ZNF831: variants seen among roughly 807,000 people sequenced by gnomAD.
The protein encoded by ZNF831 is zinc finger protein 831.
ZNF831 carries 59 observed loss-of-function variants against 95.8 expected under a neutral mutation model. The observed-to-expected ratio is 0.62, with a 90% CI of 0.50 to 0.77. The LOEUF (loss-of-function observed/expected upper bound fraction) is 0.77. ZNF831 is among the 30% of genes least tolerant of loss of function. ZNF831 has a pLI of 0.00. For synonymous variants in ZNF831, 961 were observed against 925.5 expected, an observed-to-expected ratio of 1.04 and a Z score of -0.70; for missense variants, 2,205 against 2,164.0, an observed-to-expected ratio of 1.02 and a Z score of -0.38.
At chr20:59,153,541 C>A (rs1364100404) in intron 2 of ZNF831, among the ~76,000 whole-genome samples, 1 of 152,174 alleles carries the variant, frequency 6.6e-6, no homozygotes, top group East Asian at 1.9e-4. Flanking sequence ...AGCCTGGGTG[C>A]CCCGCTGCCA....
intron 4 of ZNF831, among the ~76,000 whole-genome samples, chr20:59,222,960 C>A (rs1176251147): frequency 6.6e-6 from 1 of 152,194 alleles, no homozygotes; most frequent in Admixed American, 6.5e-5. Context: ...TGGGACCCCC[C>A]GCTGAGCAAG....
At chr20:59,167,378 T>C (rs987718385) in intron 1 of ZNF831, among the ~76,000 whole-genome samples, 1 of 152,074 alleles carries the variant, frequency 6.6e-6, no homozygotes, top group African/African-American at 2.4e-5. Context: ...TTTCTCCAGA[T>C]CTGTAGCTAG....
chr20:59,170,480 G>A lies in ZNF831; in HGVS notation c.-37+6273G>A, dbSNP rs140454593. Among the ~76,000 whole-genome samples, 828 of 152,224 alleles carry A rather than the reference G, an allele frequency of 5.4e-3. 2 individuals are homozygous for A. The highest frequency in any genetic ancestry group is 0.017 in the Middle Eastern group (5 of 294). The stretch of plus-strand genomic sequence containing the variant: ...TGTTGTTGATTCATAGTTTGATTCC[G>A]TTGTCGTCAGAGAACATGCTTTGTA... On this transcript the variant is annotated intron_variant, in intron 1 of 5. Transcript: ENST00000371030.
At chr20:59,218,436 G>A (rs1442979721) in intron 4 of ZNF831, among the ~76,000 whole-genome samples, 1 of 152,160 alleles carries the variant, frequency 6.6e-6, no homozygotes, top group Non-Finnish European at 1.5e-5. Context: ...AATTGGCTTA[G>A]ACAAACAAAC....
At chr20:59,203,417 A>G (rs1410926452) in intron 3 of ZNF831, among the ~76,000 whole-genome samples, 1 of 152,182 alleles carries the variant, frequency 6.6e-6, no homozygotes, top group African/African-American at 2.4e-5. Context: ...TCCTGGCCTC[A>G]GTGGTCTTCC....
intron 4 of ZNF831, among the ~76,000 whole-genome samples, chr20:59,235,104 C>T (rs1440153114): frequency 6.6e-6 from 1 of 151,998 alleles, no homozygotes; most frequent in Non-Finnish European, 1.5e-5. Context: ...TGGTCAGGTG[C>T]CTTGTAGGAT....
chr20:59,258,025 A>G lies in ZNF831; in HGVS notation c.*3282A>G, dbSNP rs189187822. 3.3e-5 allele frequency: 5 copies of G among 152,318 alleles called. No individual in the cohort carries two copies. The highest frequency in any genetic ancestry group is 2.6e-4 in the Admixed American group (4 of 15,294). 9.4% of individuals were successfully genotyped at this position (152,318 alleles called of 1,614,324 possible). On this transcript the variant is annotated 3_prime_UTR_variant, in exon 6 of 6. Coordinates refer to ENST00000371030, the MANE Select transcript of ZNF831 (RefSeq NM_178457.3). The stretch of plus-strand genomic sequence containing the variant: ...CAAAGTCATGTGATTTTTGGTGGAC[A>G]ACTGGAATCCTCCTTCTTGTAAAAC...
rs758429291 is a variant in ZNF831, at chr20:59,254,294, C to G, written c.4585C>G (p.Pro1529Ala). 1 of 1,613,998 alleles carries G rather than the reference C, an allele frequency of 6.2e-7. No homozygotes were observed. The highest frequency in any genetic ancestry group is 1.1e-5 in the South Asian group (1 of 91,060). ...TAGRTLTSSS[P>A]DSKVTEEGRA... is the part of the protein sequence containing the mutation. ...AGGGAGGACTCTGACATCAAGCTCC[C>G]CAGACAGCAAAGTCACAGAAGAGGG... Residue 1529 changes from proline (P) to alanine (A), a missense_variant, in exon 6 of 6, where the codon CCA becomes GCA. Physicochemically the swap from Pro to Ala is conservative, Grantham distance 27. Transcript: ENST00000371030. This position sits in a 1 kb window ranked among gnomAD's most constrained non-coding sequence, Gnocchi z 4.5.
chr20:59,166,964 A>G (rs1601322227), intron 1 of ZNF831, among the ~76,000 whole-genome samples: 1 of 152,220 alleles, frequency 6.6e-6, no homozygotes, highest in African/African-American at 2.4e-5. Flanking sequence ...TGCTGGGTTG[A>G]ATAATAGTCC....
chr20:59,165,308 C>T (rs993416340), intron 1 of ZNF831, among the ~76,000 whole-genome samples: 5 of 152,096 alleles, frequency 3.3e-5, no homozygotes, highest in African/African-American at 1.2e-4. Context: ...AGAACCAAGA[C>T]TGTAAAAGGG....
upstream of ZNF831, among the ~76,000 whole-genome samples, chr20:59,162,662 T>C (rs1980944645): frequency 6.6e-6 from 1 of 152,216 alleles, no homozygotes; most frequent in Non-Finnish European, 1.5e-5. Context: ...GTGTCTATTT[T>C]TATACCAATA....
At chr20:59,134,201 G>T (rs1979435294) in intron 1 of ZNF831, among the ~76,000 whole-genome samples, 2 of 152,186 alleles carry the variant, frequency 1.3e-5, no homozygotes, top group Admixed American at 1.3e-4. Flanking sequence ...CAGATCCCCT[G>T]CTCCCCTCCT....
chr20:59,179,289 C>T (rs890241157), intron 1 of ZNF831, among the ~76,000 whole-genome samples: 1 of 152,192 alleles, frequency 6.6e-6, no homozygotes, highest in Non-Finnish European at 1.5e-5. Flanking sequence ...CTTGTACCTG[C>T]TCCTCTCTGG....
intron 1 of ZNF831, among the ~76,000 whole-genome samples, chr20:59,128,330 G>T (rs779531402): frequency 1.3e-5 from 2 of 152,192 alleles, no homozygotes; most frequent in Non-Finnish European, 2.9e-5. Context: ...CCCTGCAAGG[G>T]TATGGAACAC....
Position 59,192,406 on chromosome 20 carries a change from C to T in ZNF831, c.1387C>T (p.Arg463Cys), listed in dbSNP as rs1440178440. Residue 463 changes from arginine to cysteine, a missense_variant, in exon 2 of 6, where the codon CGT (arginine) becomes TGT (cysteine). Arg to Cys is a radical substitution (Grantham distance 180). Transcript: ENST00000371030. The surrounding 1 kb of genome is among the most constrained non-coding windows in gnomAD (Gnocchi z 5.2). Reference sequence around the variant, plus strand: ...TGACATCCGCGCGCTGGAGCCAGGCCGTAGGAGGGCCCCGGGCCCCGTGCG... The same window carrying T: ...TGACATCCGCGCGCTGGAGCCAGGCTGTAGGAGGGCCCCGGGCCCCGTGCG... ...HFDIRALEPG[R>C]RRAPGPVRST... 2 of 1,611,944 alleles carry T rather than the reference C, an allele frequency of 1.2e-6. No individual in the cohort carries two copies. Among genetic ancestry groups the T allele is most frequent in the Non-Finnish European group, 1.7e-6 (2 of 1,179,446 alleles).
At chr20:59,125,128 C>T (rs913889427) in intron 1 of ZNF831, among the ~76,000 whole-genome samples, 2 of 152,174 alleles carry the variant, frequency 1.3e-5, no homozygotes, top group African/African-American at 2.4e-5. Context: ...CCTGTGACTA[C>T]GTGAACCATC....
chr20:59,167,261 C>T (rs905728841), intron 1 of ZNF831, among the ~76,000 whole-genome samples: 1 of 152,132 alleles, frequency 6.6e-6, no homozygotes, highest in Admixed American at 6.5e-5. Context: ...TGTGTTTGCA[C>T]ACTTTCTAAT....
At chr20:59,181,872 A>C (rs1982644165) in intron 1 of ZNF831, among the ~76,000 whole-genome samples, 1 of 151,938 alleles carries the variant, frequency 6.6e-6, no homozygotes, top group African/African-American at 2.4e-5. Context: ...GGCCATCTTC[A>C]TGATATTAAT....
chr20:59,219,348 T>C (rs886346347), intron 4 of ZNF831, among the ~76,000 whole-genome samples: 1 of 151,954 alleles, frequency 6.6e-6, no homozygotes, highest in Non-Finnish European at 1.5e-5. Flanking sequence ...TGCCAGGCAA[T>C]GTGTGGGAGC....
Sources: allele counts gnomAD v4.1 joint callset (sites outside exome capture counted in the v4.1 genomes callset), GRCh38; gene constraint gnomAD v4.1.1; non-coding constraint Gnocchi (gnomAD v3.1); transcripts MANE v1.5; gene names NCBI Gene and HGNC (gene_info 2026-07-23, HGNC 2026-07-21).